Variants in ROBO2 observed in about 807,000 individuals in gnomAD.
ROBO2 encodes the protein roundabout guidance receptor 2.
ROBO2 carries 53 observed loss-of-function variants against 160.8 expected under a neutral mutation model. The ratio of observed to expected loss-of-function variants is 0.33; its 90% CI spans 0.26 to 0.41. ROBO2 has a LOEUF of 0.41. ROBO2 is among the 10% of genes least tolerant of loss of function. The pLI is 1.00. For synonymous variants in ROBO2, 664 were observed against 611.7 expected, an observed-to-expected ratio of 1.09 and a Z score of -1.26; for missense variants, 1,577 against 1,722.4, an observed-to-expected ratio of 0.92 and a Z score of 1.49.
intron 2 of ROBO2, among the ~76,000 whole-genome samples, chr3:76,192,412 A>G (rs1239697481): frequency 6.6e-6 from 1 of 152,008 alleles, no homozygotes; most frequent in East Asian, 1.9e-4. Context: ...ATAAATAAAT[A>G]AAAATAAAAT....
chr3:76,472,361 T>C (rs567538501), intron 2 of ROBO2, among the ~76,000 whole-genome samples: 1 of 152,202 alleles, frequency 6.6e-6, no homozygotes, highest in African/African-American at 2.4e-5. Flanking sequence ...AGAAGTAGAA[T>C]TGAATAGTGA....
chr3:75,937,841 TTATATATATA>T (rs1158457510), intron 2 of ROBO2, among the ~76,000 whole-genome samples: 119 of 105,508 alleles, frequency 1.1e-3, no homozygotes, highest in African/African-American at 2.6e-3. Flanking sequence ...GGAATTGATT[TTATATATATA>T]TATATATATA....
chr3:76,623,091 A>C (rs199979717), intron 2 of ROBO2, among the ~76,000 whole-genome samples: 2 of 670 alleles, frequency 3.0e-3, no homozygotes, highest in South Asian at 0.17. Context: ...GCGTAAAAGT[A>C]GTTATGGCTT....
At chr3:76,825,709 T>C (rs920183830) in intron 2 of ROBO2, among the ~76,000 whole-genome samples, 4 of 150,290 alleles carry the variant, frequency 2.7e-5, no homozygotes, top group African/African-American at 9.8e-5. Context: ...ATCTCCTCAA[T>C]GACCCTGTCA....
intron 2 of ROBO2, among the ~76,000 whole-genome samples, chr3:76,964,318 T>C (rs2079904118): frequency 6.6e-6 from 1 of 152,098 alleles, no homozygotes; most frequent in African/African-American, 2.4e-5. Context: ...GTTCTTAATA[T>C]ACTCCTTTTG....
chr3:76,953,958 A>G (rs1466030882), intron 2 of ROBO2, among the ~76,000 whole-genome samples: 2 of 152,238 alleles, frequency 1.3e-5, no homozygotes, highest in Admixed American at 6.5e-5. Context: ...AAAATTCCAT[A>G]TAGCTGTAGC....
chr3:76,751,657 A>G (rs1182092366), intron 2 of ROBO2, among the ~76,000 whole-genome samples: 1 of 152,160 alleles, frequency 6.6e-6, no homozygotes, highest in Non-Finnish European at 1.5e-5. Flanking sequence ...TCTCAAAAGA[A>G]GACATTTATG....
intron 2 of ROBO2, among the ~76,000 whole-genome samples, chr3:76,664,454 A>T (rs923275962): frequency 6.6e-6 from 1 of 152,228 alleles, no homozygotes. Flanking sequence ...ATCACATTTA[A>T]ACACAGTGAA....
chr3:77,558,173 T>A, intron 9 of ROBO2, 24 bp downstream of exon 10: 1 of 1,584,596 alleles, frequency 6.3e-7, no homozygotes, highest in Non-Finnish European at 8.7e-7. Flanking sequence ...GACTTGTACA[T>A]GAATTATCAT....
At chr3:77,380,814 G>A (rs1043049088) in intron 2 of ROBO2, among the ~76,000 whole-genome samples, 4 of 151,134 alleles carry the variant, frequency 2.6e-5, no homozygotes, top group South Asian at 2.1e-4. Context: ...ATTTCTCTCC[G>A]CTGATTAGCG....
chr3:76,571,477 A>C (rs1005888653), intron 2 of ROBO2, among the ~76,000 whole-genome samples: 2 of 152,260 alleles, frequency 1.3e-5, no homozygotes, highest in East Asian at 3.9e-4. Context: ...CAAGATACTG[A>C]GAAACAAACC....
chr3:76,667,469 TC>T (rs2092094362), intron 2 of ROBO2, among the ~76,000 whole-genome samples: 1 of 152,296 alleles, frequency 6.6e-6, no homozygotes, highest in African/African-American at 2.4e-5. Flanking sequence ...TGCTTTCTCT[TC>T]CTTTGCTTAC....
intron 2 of ROBO2, among the ~76,000 whole-genome samples, chr3:75,941,600 G>C (rs139157333): frequency 6.6e-6 from 1 of 152,058 alleles, no homozygotes. Flanking sequence ...AGCCAGTGGC[G>C]CTTACAACTG....
chr3:76,215,608 G>GA (rs1703463761), intron 2 of ROBO2, among the ~76,000 whole-genome samples: 1 of 152,158 alleles, frequency 6.6e-6, no homozygotes, highest in Middle Eastern at 3.4e-3. Context: ...GAAGTTTAGA[G>GA]AAAAAAGATT....
intron 2 of ROBO2, among the ~76,000 whole-genome samples, chr3:76,100,100 G>A (rs1198781916): frequency 1.3e-5 from 2 of 152,094 alleles, no homozygotes; most frequent in African/African-American, 2.4e-5. Flanking sequence ...CGACTAGAAC[G>A]TATTTCTGTA....
At chr3:76,019,182 T>C (rs925274091) in intron 2 of ROBO2, among the ~76,000 whole-genome samples, 1 of 152,006 alleles carries the variant, frequency 6.6e-6, no homozygotes, top group Non-Finnish European at 1.5e-5. Context: ...TTAGGTTTTC[T>C]CTGAAGTTCC....
intron 2 of ROBO2, among the ~76,000 whole-genome samples, chr3:77,218,913 T>C (rs1202542521): frequency 6.6e-6 from 1 of 152,160 alleles, no homozygotes; most frequent in African/African-American, 2.4e-5. Context: ...TGTTCTTGAA[T>C]GAGTGGAATT....
At chr3:77,148,116 TG>T (rs1164163438) in intron 2 of ROBO2, among the ~76,000 whole-genome samples, 1 of 152,262 alleles carries the variant, frequency 6.6e-6, no homozygotes, top group Non-Finnish European at 1.5e-5. Context: ...TAATAATAGC[TG>T]TAAACTTGGC....
At chr3:76,150,081 A>G (rs1317730413) in intron 2 of ROBO2, among the ~76,000 whole-genome samples, 2 of 50,110 alleles carry the variant, frequency 4.0e-5, no homozygotes, top group Non-Finnish European at 7.7e-5. Context: ...TCTGTCTAAA[A>G]CACACATCTG....
Sources: allele counts gnomAD v4.1 joint callset (sites outside exome capture counted in the v4.1 genomes callset), GRCh38; gene constraint gnomAD v4.1.1; transcripts MANE v1.5; gene names NCBI Gene and HGNC (gene_info 2026-07-23, HGNC 2026-07-21).